FAM204A: variants seen among roughly 807,000 people sequenced by gnomAD.
FAM204A encodes family with sequence similarity 204 member A, also known as protein FAM204A.
A neutral mutation model predicts 35.4 loss-of-function variants in FAM204A; 16 were observed. The ratio of observed to expected loss-of-function variants is 0.45; its 90% CI spans 0.31 to 0.69. FAM204A has a LOEUF of 0.69. Ranked by LOEUF, FAM204A falls within the 30% of genes least tolerant of loss-of-function variation. FAM204A has a pLI of 0.07. For missense variants in FAM204A, 240 were observed against 265.7 expected, an observed-to-expected ratio of 0.90 and a Z score of 0.67; for synonymous variants, 76 against 86.9, an observed-to-expected ratio of 0.88 and a Z score of 0.70.
chr10:118,307,699 G>A lies in FAM204A; in HGVS notation c.*3158C>T, dbSNP rs1845886295. ...TTTATAAATTATATCTTCATTTTTT[G>A]TGAATTAAATTCAAACTTGTCTTAT... On this transcript the variant is annotated 3_prime_UTR_variant, in exon 9 of 9. Coordinates refer to ENST00000369183, the MANE Select transcript of FAM204A (RefSeq NM_022063.3). 6.6e-6 allele frequency: 1 copy of A among 152,044 alleles called. No homozygotes were observed. The highest frequency in any genetic ancestry group is 6.5e-5 in the Admixed American group (1 of 15,270). The allele number at this position is 152,044 out of a possible 1,614,324, so 9.4% of individuals were successfully genotyped here.
At chr10:118,332,914 T>C (rs934471022) in intron 6 of FAM204A, among the ~76,000 whole-genome samples, 13 of 152,196 alleles carry the variant, frequency 8.5e-5, no homozygotes, top group African/African-American at 3.1e-4. Context: ...ATGAGTGAAA[T>C]TTATTCTAAA....
chr10:118,298,692 CATT>C lies in FAM204A; in HGVS notation c.*12162_*12164del, dbSNP rs1845775763. ...TGTACAGAGATTATTGTTACGTCCA[CATT>C]ATTATTTTTGGCACTAGGAAACATG... On this transcript the variant is annotated 3_prime_UTR_variant, in exon 9 of 9. Transcript: ENST00000369183. 6.6e-6 allele frequency: 1 copy of C among 152,212 alleles called. No homozygotes were observed. The highest frequency in any genetic ancestry group is 1.5e-5 in the Non-Finnish European group (1 of 68,044). The allele number at this position is 152,212 out of a possible 1,614,324, so 9.4% of individuals were successfully genotyped here.
chr10:118,334,670 A>C (rs898436228), intron 6 of FAM204A, among the ~76,000 whole-genome samples: 1 of 152,176 alleles, frequency 6.6e-6, no homozygotes, highest in African/African-American at 2.4e-5. Context: ...TTGGTCACTG[A>C]CTGCCTGCCT....
chr10:118,313,192 AG>A (rs1490389375), intron 7 of FAM204A, among the ~76,000 whole-genome samples: 1 of 152,114 alleles, frequency 6.6e-6, no homozygotes, highest in African/African-American at 2.4e-5. Flanking sequence ...TCAACTAGTT[AG>A]GCTAGTCAAC....
intron 6 of FAM204A, 156 bp from the exon 7 acceptor site, chr10:118,326,399 C>A: frequency 1.6e-6 from 1 of 639,624 alleles, no homozygotes; most frequent in Non-Finnish European, 2.7e-6. Flanking sequence ...CCCATTAGTA[C>A]CAGAAGGCTG....
chr10:118,317,949 T>C (rs1361558115), intron 7 of FAM204A, among the ~76,000 whole-genome samples: 1 of 152,010 alleles, frequency 6.6e-6, no homozygotes, highest in Non-Finnish European at 1.5e-5. Flanking sequence ...CAGACACACA[T>C]ATCCTTCCCA....
At chr10:118,334,213 T>C (rs78448192) in intron 6 of FAM204A, among the ~76,000 whole-genome samples, 3,721 of 152,258 alleles carry the variant, frequency 0.024, 155 homozygotes, top group African/African-American at 0.084. Flanking sequence ...AGTCCCAAAC[T>C]GAACTTTGGC....
In FAM204A at chr10:118,337,302, A is replaced by G. The variant is rs925716880; in HGVS notation, c.-8-879T>C. On this transcript the variant is annotated intron_variant, in intron 2 of 8. Coordinates refer to ENST00000369183, the MANE Select transcript of FAM204A (RefSeq NM_022063.3). ...AACCAGTTCCTTCAAAAGATGCTTAAAATAGAGAAGCCGGTTGTACTGCTC... is the reference window on the plus strand; with the variant it reads ...AACCAGTTCCTTCAAAAGATGCTTAGAATAGAGAAGCCGGTTGTACTGCTC... The G allele has an allele frequency of 4.5e-6, 4 of 897,966 alleles. No homozygotes were observed. The African/African-American group carries it at 7.2e-5, about 16-fold the overall frequency. 55.6% of individuals were successfully genotyped at this position (897,966 alleles called of 1,614,324 possible).
rs117569085 is a variant in FAM204A, at chr10:118,338,847, C to T, written c.-8-2424G>A. 4.6e-3 allele frequency among the ~76,000 whole-genome samples: 696 copies of T among 152,220 alleles called. 5 individuals are homozygous for T. Among genetic ancestry groups the T allele is most frequent in the Non-Finnish European group, 8.5e-3 (575 of 68,002 alleles). On this transcript the variant is annotated intron_variant, in intron 2 of 8. Coordinates refer to ENST00000369183, the MANE Select transcript of FAM204A (RefSeq NM_022063.3). ...CTCTGGGAAGCAGTCTCAGTTGCCC[C>T]GAAGAAGGCATGCTTTTTGCTGTTG...
rs1204507798 is a variant in FAM204A, at chr10:118,303,161, A to G, written c.*7696T>C. On this transcript the variant is annotated 3_prime_UTR_variant, in exon 9 of 9. Coordinates refer to ENST00000369183, the MANE Select transcript of FAM204A (RefSeq NM_022063.3). ...GCACCTTGATTTCCTCATCTAAAAA[A>G]CAAGTATAATGTGTCTTTGGCTTTC... The G allele has an allele frequency of 6.6e-6, 1 of 152,248 alleles. No homozygotes were observed. Among genetic ancestry groups the G allele is most frequent in the African/African-American group, 2.4e-5 (1 of 41,454 alleles). The allele number at this position is 152,248 out of a possible 1,614,324, so 9.4% of individuals were successfully genotyped here.
intron 2 of FAM204A, chr10:118,337,163 T>C (rs1304082990): frequency 1.2e-6 from 1 of 836,924 alleles, no homozygotes; most frequent in Admixed American, 6.2e-5. Context: ...TTAAGTTTAA[T>C]AAAATGACTT....
At chr10:118,330,714 C>G (rs1846275194) in intron 6 of FAM204A, among the ~76,000 whole-genome samples, 1 of 152,142 alleles carries the variant, frequency 6.6e-6, no homozygotes, top group Admixed American at 6.5e-5. Flanking sequence ...TCCATAAGAA[C>G]TTATTAATAT....
intron 4 of FAM204A, 39 bp downstream of exon 4, chr10:118,335,515 G>C: frequency 6.3e-7 from 1 of 1,597,386 alleles, no homozygotes; most frequent in South Asian, 1.1e-5. Flanking sequence ...TCACAACTTA[G>C]CATTAGCACG....
At chr10:118,317,908 T>C (rs961576945) in intron 7 of FAM204A, among the ~76,000 whole-genome samples, 1 of 152,016 alleles carries the variant, frequency 6.6e-6, no homozygotes, top group African/African-American at 2.4e-5. Flanking sequence ...CCAAAGTTAA[T>C]GAATGAGAGC....
intron 7 of FAM204A, among the ~76,000 whole-genome samples, chr10:118,319,620 A>AT (rs1293640903): frequency 1.8e-4 from 27 of 152,116 alleles, no homozygotes; most frequent in Admixed American, 1.5e-3. Context: ...GGCTGAAGTC[A>AT]TTGCCTTAGT....
chr10:118,341,738 T>C lies in FAM204A; in HGVS notation c.-20A>G, dbSNP rs1391987062. ...GTGAGAATACTTACAGGGTCCAAGA[T>C]TGCAAGAGGATGGGTCTAGAAAGGT... On this transcript the variant is annotated 5_prime_UTR_variant, in exon 2 of 9. Transcript: ENST00000369183. The C allele has an allele frequency of 6.6e-6, 1 of 152,222 alleles. No individual in the cohort carries two copies. The highest frequency in any genetic ancestry group is 1.5e-5 in the Non-Finnish European group (1 of 68,022). The allele number at this position is 152,222 out of a possible 1,614,324, so 9.4% of individuals were successfully genotyped here.
chr10:118,306,660 C>T lies in FAM204A; in HGVS notation c.*4197G>A, dbSNP rs1024514329. 2.6e-5 allele frequency: 4 copies of T among 152,128 alleles called. No homozygotes were observed. Among genetic ancestry groups the T allele is most frequent in the South Asian group, 2.1e-4 (1 of 4,816 alleles). The allele number at this position is 152,128 out of a possible 1,614,324, so 9.4% of individuals were successfully genotyped here. A position where few individuals can be genotyped will look rare whatever the true frequency, so the allele number is the denominator to read the frequency against. On this transcript the variant is annotated 3_prime_UTR_variant, in exon 9 of 9. Coordinates refer to ENST00000369183, the MANE Select transcript of FAM204A (RefSeq NM_022063.3). ...AGCATCTCTGTATTTGAAGAAATTC[C>T]GGAAAGGGAACAGACACCTCCAGAA...
rs1284113017 is a variant in FAM204A, at chr10:118,309,483, G to A, written c.*1374C>T. The A allele has an allele frequency of 1.3e-5, 2 of 152,132 alleles. No individual in the cohort carries two copies. The highest frequency in any genetic ancestry group is 2.9e-5 in the Non-Finnish European group (2 of 68,026). The allele number at this position is 152,132 out of a possible 1,614,324, so 9.4% of individuals were successfully genotyped here. On this transcript the variant is annotated 3_prime_UTR_variant, in exon 9 of 9. Coordinates refer to ENST00000369183, the MANE Select transcript of FAM204A (RefSeq NM_022063.3). ...TATATCAGACAGGTAGGAAACCTCTGACAACGACAGAAGAGGTGAACTGAC... is the reference window on the plus strand; with the variant it reads ...TATATCAGACAGGTAGGAAACCTCTAACAACGACAGAAGAGGTGAACTGAC...
At chr10:118,321,724 C>CAAAAAAAAAAAAAAAAAAAAAAAAAAAA (rs200200755) in intron 7 of FAM204A, among the ~76,000 whole-genome samples, 1 of 87,260 alleles carries the variant, frequency 1.1e-5, no homozygotes. Flanking sequence ...TATGACAAAG[C>CAAAAAAAAAAAAAAAAAAAAAAAAAAAA]AAAAAAAAAA....
Sources: allele counts gnomAD v4.1 joint callset (sites outside exome capture counted in the v4.1 genomes callset), GRCh38; gene constraint gnomAD v4.1.1; transcripts MANE v1.5; gene names NCBI Gene and HGNC (gene_info 2026-07-23, HGNC 2026-07-21).